The following COQ9 variants were observed in gnomAD, a reference collection of about 807,000 sequenced individuals.
COQ9 encodes coenzyme Q9.
A neutral mutation model predicts 42.4 loss-of-function variants in COQ9; 35 were observed. The ratio of observed to expected loss-of-function variants is 0.83; its 90% CI spans 0.63 to 1.10. The LOEUF (loss-of-function observed/expected upper bound fraction) is 1.10, where lower values mean the gene tolerates loss of function less well. Among genes scored for constraint, COQ9 ranks in the 50% least tolerant of loss-of-function variants. The probability of loss-of-function intolerance (pLI) is 0.00; values close to 1 mark genes in which losing one functional copy is unlikely to be tolerated. For missense variants in COQ9, 406 were observed against 414.6 expected (o/e 0.98, Z 0.18); for synonymous variants, 155 against 155.1 (o/e 1.00, Z 0.00).
At chr16:57,460,209 A>G (rs2030503800) in intron 8 of COQ9, 105 bp downstream of exon 8, 2 of 1,135,224 alleles carry the variant, frequency 1.8e-6, no homozygotes, top group East Asian at 2.5e-5. Flanking sequence ...CCTGGAAACA[A>G]TAATCTAATA....
intron 2 of COQ9, among the ~76,000 whole-genome samples, chr16:57,451,809 G>A (rs1430059265): frequency 6.6e-6 from 1 of 152,098 alleles, no homozygotes; most frequent in African/African-American, 2.4e-5. Context: ...TATTTAACCT[G>A]TCTTTTATTG....
At chr16:57,453,934 A>G (rs172782) in intron 3 of COQ9, 119,084 of 152,214 alleles carry the variant, frequency 0.78, 47,436 homozygotes, top group African/African-American at 0.93. Flanking sequence ...CAGGGGTCAA[A>G]GTGGTCAAGA....
intron 3 of COQ9, among the ~76,000 whole-genome samples, chr16:57,455,603 C>T (rs1238159311): frequency 6.6e-6 from 1 of 151,948 alleles, no homozygotes; most frequent in African/African-American, 2.4e-5. Context: ...AGCAGCTAGA[C>T]ATTGGTTACT....
At position 57,451,225 on chromosome 16, in the gene COQ9, C is replaced by G; in HGVS notation, c.242+17C>G. The stretch of plus-strand genomic sequence containing the variant: ...ACCCCCCAGGTAGGCACCAATCCAC[C>G]TATTTCTGGCCACTTCATATGCTTC... On this transcript the variant is annotated intron_variant, in intron 2 of 8. Transcript: ENST00000262507. 1.9e-6 allele frequency: 3 copies of G among 1,613,828 alleles called. No homozygotes were observed. The highest frequency in any genetic ancestry group is 1.7e-6 in the Non-Finnish European group (2 of 1,179,680).
chr16:57,452,944 T>C lies in COQ9; in HGVS notation c.378+8T>C, dbSNP rs367616807. On this transcript the variant is annotated splice_region_variant and intron_variant, in intron 3 of 8. Coordinates refer to ENST00000262507, the MANE Select transcript of COQ9 (RefSeq NM_020312.4). ...ATTGCAGAAGGAGCCCAGGTGTGTA[T>C]AGGTGAGGGTGGGGCCACCTAACCA... 31 of 1,613,088 alleles carry C rather than the reference T, an allele frequency of 1.9e-5. No individual in the cohort carries two copies. The African/African-American group carries it at 2.4e-4, about 13-fold the overall frequency.
intron 6 of COQ9, among the ~76,000 whole-genome samples, chr16:57,458,893 T>C (rs998334125): frequency 1.3e-5 from 2 of 152,238 alleles, no homozygotes; most frequent in Admixed American, 6.5e-5. Flanking sequence ...GATGATACTT[T>C]GTGGAATCCT....
At chr16:57,450,339 T>C (rs2030254705) in intron 1 of COQ9, among the ~76,000 whole-genome samples, 1 of 141,284 alleles carries the variant, frequency 7.1e-6, no homozygotes, top group Admixed American at 7.7e-5. Context: ...CACTTGAGCC[T>C]GGGAGGCAGA....
At position 57,460,579 on chromosome 16, in the gene COQ9, C is replaced by A. The variant is rs1288687526; in HGVS notation, c.922-10C>A. 1 of 1,613,762 alleles carries A rather than the reference C, an allele frequency of 6.2e-7. No individual in the cohort carries two copies. The highest frequency in any genetic ancestry group is 8.5e-7 in the Non-Finnish European group (1 of 1,179,684). ...CCTCACTATTCTCTTTATTTCCATT[C>A]CCGTGTCAGCTCAAGAACTTGACAG... On this transcript the variant is annotated splice_polypyrimidine_tract_variant and intron_variant, in intron 8 of 8. Transcript: ENST00000262507.
intron 2 of COQ9, 115 bp downstream of exon 2, chr16:57,451,323 A>G: frequency 8.1e-7 from 1 of 1,228,752 alleles, no homozygotes; most frequent in Non-Finnish European, 1.2e-6. Flanking sequence ...TTCCAAGGCC[A>G]TCTTTGTTTT....
At chr16:57,455,746 A>G (rs766056866) in intron 3 of COQ9, among the ~76,000 whole-genome samples, 13 of 152,088 alleles carry the variant, frequency 8.5e-5, no homozygotes, top group Non-Finnish European at 1.8e-4. Flanking sequence ...AGCAGGAGAA[A>G]CAGATGGAAG....
chr16:57,455,454 A>G (rs547584792), intron 3 of COQ9, among the ~76,000 whole-genome samples: 2 of 150,850 alleles, frequency 1.3e-5, no homozygotes, highest in Non-Finnish European at 3.0e-5. Flanking sequence ...GTCCAGGGCA[A>G]GAATATAATG....
chr16:57,457,077 C>T lies in COQ9; in HGVS notation c.606+62C>T, dbSNP rs754442008. 14 of 1,276,016 alleles carry T rather than the reference C, an allele frequency of 1.1e-5. No homozygotes were observed. The East Asian group carries it at 3.2e-4, about 29-fold the overall frequency. 79.0% of individuals were successfully genotyped at this position (1,276,016 alleles called of 1,614,324 possible). On this transcript the variant is annotated intron_variant, in intron 5 of 8. Coordinates refer to ENST00000262507, the MANE Select transcript of COQ9 (RefSeq NM_020312.4). ...ATCCTAATATTTATCATTCTCAGCA[C>T]CTTTCACTCAGATGACTTTGTACAC...
At chr16:57,452,670 A>G in intron 2 of COQ9, 131 bp from the exon 3 acceptor site, 1 of 1,141,628 alleles carries the variant, frequency 8.8e-7, no homozygotes, top group East Asian at 2.4e-5. Context: ...AGAAAACCAC[A>G]TTGATAGTGA....
At chr16:57,447,834 C>G (rs187581221) in intron 1 of COQ9, 2 of 369,392 alleles carry the variant, frequency 5.4e-6, no homozygotes, top group Non-Finnish European at 9.6e-6. Flanking sequence ...AGAGAGGGCT[C>G]GGGGTACGAA....
At chr16:57,448,306 T>C (rs2030184541) in intron 1 of COQ9, among the ~76,000 whole-genome samples, 1 of 152,172 alleles carries the variant, frequency 6.6e-6, no homozygotes, top group Non-Finnish European at 1.5e-5. Context: ...TATTAAAATA[T>C]TGATATTTTG....
Position 57,460,619 on chromosome 16 carries a change from C to T in COQ9, c.952C>T (p.Arg318Trp), listed in dbSNP as rs745844749. Residue 318 changes from arginine (R) to tryptophan (W), a missense_variant, in exon 9 of 9, where the codon CGG becomes TGG. Arg to Trp is a moderately radical substitution (Grantham distance 101, BLOSUM62 -3). Transcript: ENST00000262507. ...LKNLTGLNQR[R>W] Reference sequence around the variant, plus strand: ...GAACTTGACAGGTCTAAACCAGCGTCGGTGAGAGGAAGGGGTATAAGCTAC... The same window carrying T: ...GAACTTGACAGGTCTAAACCAGCGTTGGTGAGAGGAAGGGGTATAAGCTAC... 15 of 1,613,718 alleles carry T rather than the reference C, an allele frequency of 9.3e-6. No homozygotes were observed. Among genetic ancestry groups the T allele is most frequent in the East Asian group, 6.7e-5 (3 of 44,900 alleles).
rs762299768 is a variant in COQ9 at position 57,451,090 on chromosome 16, G to A, written c.124G>A (p.Val42Met). The change falls in exon 2 of 9, where the codon GTG (valine) becomes ATG (methionine). Residue 42 changes from valine (V) to methionine (M), a missense_variant. Physicochemically the swap from Val to Met is conservative, Grantham distance 21. Transcript: ENST00000262507. ...GCCGCGTGCCTTCCATGCTTCAGCTGTGGGGCTAAGGTCTTCAGATGAGCA... is the reference window on the plus strand; with the variant it reads ...GCCGCGTGCCTTCCATGCTTCAGCTATGGGGCTAAGGTCTTCAGATGAGCA... ...LVPRAFHASA[V>M]GLRSSDEQKQ... 2 of 1,614,038 alleles carry A rather than the reference G, an allele frequency of 1.2e-6. No individual in the cohort carries two copies. The highest frequency in any genetic ancestry group is 2.7e-5 in the African/African-American group (2 of 74,916).
At chr16:57,459,195 A>C (rs1367698920) in intron 6 of COQ9, among the ~76,000 whole-genome samples, 1 of 152,254 alleles carries the variant, frequency 6.6e-6, no homozygotes, top group Non-Finnish European at 1.5e-5. Flanking sequence ...AGGTTCGGTC[A>C]TAGCTGGCTG....
chr16:57,455,367 A>G (rs1214513823), intron 3 of COQ9, among the ~76,000 whole-genome samples: 17 of 148,414 alleles, frequency 1.1e-4, no homozygotes, highest in African/African-American at 4.2e-4. Context: ...ATATATATAT[A>G]TATATACAGT....
Sources: allele counts gnomAD v4.1 joint callset (sites outside exome capture counted in the v4.1 genomes callset), GRCh38; gene constraint gnomAD v4.1.1; transcripts MANE v1.5; gene names NCBI Gene and HGNC (gene_info 2026-07-23, HGNC 2026-07-21).